Variants in ADAMTS3 observed in about 807,000 individuals in gnomAD.
ADAMTS3 encodes A disintegrin and metalloproteinase with thrombospondin motifs 3.
A neutral mutation model predicts 129.0 loss-of-function variants in ADAMTS3; 73 were observed. The observed-to-expected ratio is 0.57, with a 90% confidence interval of 0.47 to 0.69. The LOEUF is 0.69. Among genes scored for constraint, ADAMTS3 ranks in the 30% least tolerant of loss-of-function variants. ADAMTS3 has a pLI of 0.00. For missense variants in ADAMTS3, 1,457 were observed against 1,514.5 expected (o/e 0.96, Z 0.63); for synonymous variants, 477 against 510.8 (o/e 0.93, Z 0.89).
At chr4:72,384,250 T>C (rs1721377660) in intron 4 of ADAMTS3, among the ~76,000 whole-genome samples, 3 of 152,156 alleles carry the variant, frequency 2.0e-5, no homozygotes. Flanking sequence ...AGAAAAATTA[T>C]TTGAAATGAT....
intron 4 of ADAMTS3, among the ~76,000 whole-genome samples, chr4:72,383,992 A>G (rs1221123343): frequency 6.6e-6 from 1 of 151,616 alleles, no homozygotes; most frequent in East Asian, 1.9e-4. Flanking sequence ...AAAATACAAT[A>G]CTGAATACTA....
chr4:72,280,990 T>C lies in ADAMTS3; in HGVS notation c.*2146A>G, dbSNP rs1718324945. ...GATGTATATTTTGTTAACATTTTTA[T>C]TGGTACGTGCTCTCAGTACAACAAA... On this transcript the variant is annotated 3_prime_UTR_variant, in exon 22 of 22. Transcript: ENST00000286657. The C allele has an allele frequency of 6.6e-6, 1 of 152,638 alleles. No homozygotes were observed. Among genetic ancestry groups the C allele is most frequent in the Non-Finnish European group, 1.5e-5 (1 of 68,044 alleles). The allele number at this position is 152,638 out of a possible 1,614,324, so 9.5% of individuals were successfully genotyped here.
At chr4:72,480,338 A>G (rs1560532367) in intron 3 of ADAMTS3, among the ~76,000 whole-genome samples, 1 of 152,224 alleles carries the variant, frequency 6.6e-6, no homozygotes, top group Non-Finnish European at 1.5e-5. Context: ...AACGTGGCAC[A>G]TATACACCAT....
At chr4:72,519,890 T>C in intron 3 of ADAMTS3, among the ~76,000 whole-genome samples, 1 of 152,248 alleles carries the variant, frequency 6.6e-6, no homozygotes, top group South Asian at 2.1e-4. Flanking sequence ...AAGAACTGCG[T>C]TCCTTTGGAG....
intron 3 of ADAMTS3, among the ~76,000 whole-genome samples, chr4:72,545,756 G>T (rs1003749412): frequency 7.2e-5 from 11 of 152,140 alleles, no homozygotes; most frequent in African/African-American, 2.7e-4. Context: ...AGGAATAGGT[G>T]AAAGGCAACA....
At chr4:72,307,428 G>C (rs953927893) in intron 15 of ADAMTS3, among the ~76,000 whole-genome samples, 1 of 151,984 alleles carries the variant, frequency 6.6e-6, no homozygotes, top group African/African-American at 2.4e-5. Flanking sequence ...TACGTTTTTA[G>C]CTTCTCTTGT....
chr4:72,383,579 G>A (rs1203194046), intron 4 of ADAMTS3, among the ~76,000 whole-genome samples: 1 of 152,134 alleles, frequency 6.6e-6, no homozygotes, highest in Non-Finnish European at 1.5e-5. Context: ...GCTGACCCCT[G>A]AACTATATGT....
intron 4 of ADAMTS3, among the ~76,000 whole-genome samples, chr4:72,400,345 A>G (rs1300617880): frequency 1.4e-5 from 2 of 144,388 alleles, no homozygotes; most frequent in African/African-American, 5.4e-5. Flanking sequence ...CACGGTGTGT[A>G]TATATACGTG....
chr4:72,360,535 G>GT (rs10650390), intron 4 of ADAMTS3, among the ~76,000 whole-genome samples: 10,887 of 151,358 alleles, frequency 0.072, 688 homozygotes, highest in East Asian at 0.25. Context: ...GTAATGAATG[G>GT]TTTTTTTTGA....
intron 4 of ADAMTS3, among the ~76,000 whole-genome samples, chr4:72,341,379 T>G (rs1014787569): frequency 2.6e-5 from 4 of 152,148 alleles, no homozygotes; most frequent in Admixed American, 2.6e-4. Context: ...CCACAATATA[T>G]AAATAACTCT....
At chr4:72,549,482 C>A (rs779990891) in intron 2 of ADAMTS3, among the ~76,000 whole-genome samples, 8 of 152,184 alleles carry the variant, frequency 5.3e-5, no homozygotes, top group Non-Finnish European at 8.8e-5. Context: ...GGTCCTTTGT[C>A]CAAGGTCAAA....
chr4:72,327,800 G>GA (rs1199256057), intron 5 of ADAMTS3, among the ~76,000 whole-genome samples: 1 of 152,134 alleles, frequency 6.6e-6, no homozygotes, highest in Non-Finnish European at 1.5e-5. Context: ...TATTGAGAAA[G>GA]AAAATGTAAA....
chr4:72,495,583 A>G (rs1169604958), intron 3 of ADAMTS3, among the ~76,000 whole-genome samples: 1 of 152,214 alleles, frequency 6.6e-6, no homozygotes, highest in Admixed American at 6.5e-5. Flanking sequence ...ATTGTTTTGT[A>G]GAAATACACA....
At chr4:72,443,816 T>A (rs1011326429) in intron 3 of ADAMTS3, among the ~76,000 whole-genome samples, 14 of 151,686 alleles carry the variant, frequency 9.2e-5, no homozygotes, top group Non-Finnish European at 1.3e-4. Flanking sequence ...AGAGTAATAC[T>A]GGTCATTTTG....
At position 72,545,822 on chromosome 4, in the gene ADAMTS3, G is replaced by A. The variant is rs542893229; in HGVS notation, c.504+2656C>T. Among the ~76,000 whole-genome samples the A allele has an allele frequency of 5.9e-5, 9 of 152,178 alleles. No homozygotes were observed. The East Asian group carries it at 7.7e-4, about 13-fold the overall frequency. On this transcript the variant is annotated intron_variant, in intron 3 of 21. Transcript: ENST00000286657. ...GCAGATATGCAAATGTCAACATGTCGAAATCAGCCCTCAAAAACTTTCTTT... is the reference window on the plus strand; with the variant it reads ...GCAGATATGCAAATGTCAACATGTCAAAATCAGCCCTCAAAAACTTTCTTT...
chr4:72,514,866 G>C (rs909699248), intron 3 of ADAMTS3, among the ~76,000 whole-genome samples: 1 of 151,588 alleles, frequency 6.6e-6, no homozygotes, highest in African/African-American at 2.4e-5. Flanking sequence ...TTAAGTTTTA[G>C]GGTACATGTG....
intron 3 of ADAMTS3, among the ~76,000 whole-genome samples, chr4:72,448,285 A>C (rs1461187030): frequency 2.0e-5 from 3 of 151,800 alleles, no homozygotes; most frequent in African/African-American, 7.2e-5. Context: ...AGCATCTTTA[A>C]GATCTATATA....
At chr4:72,433,895 A>C (rs752519283) in intron 3 of ADAMTS3, among the ~76,000 whole-genome samples, 1 of 151,856 alleles carries the variant, frequency 6.6e-6, no homozygotes, top group Non-Finnish European at 1.5e-5. Flanking sequence ...TAGAAAAAAA[A>C]ACTTTCAACA....
chr4:72,373,899 AAATAATAATAAT>A (rs58311705), intron 4 of ADAMTS3, among the ~76,000 whole-genome samples: 42,445 of 140,624 alleles, frequency 0.3, 6,843 homozygotes, highest in Admixed American at 0.39. Flanking sequence ...CCCCATCTCA[AAATAATAATAAT>A]AATAATAATA....
Sources: gnomAD v4.1 joint callset for allele counts (sites outside exome capture counted in the v4.1 genomes callset) on GRCh38, gnomAD v4.1.1 for gene constraint, MANE v1.5 for transcripts, NCBI Gene and HGNC (gene_info 2026-07-23, HGNC 2026-07-21) for gene names.